Variants in TRIQK observed in about 807,000 individuals in gnomAD.
TRIQK encodes triple QxxK/R motif containing, also known as triple QxxK/R motif-containing protein.
TRIQK carries 10 observed loss-of-function variants against 10.8 expected under a neutral mutation model. That is an observed-to-expected ratio of 0.92 (90% CI 0.57 to 1.57). The LOEUF (loss-of-function observed/expected upper bound fraction) is 1.57, where lower values mean the gene tolerates loss of function less well. TRIQK is among the 40% of genes most tolerant of loss of function. TRIQK has a pLI of 0.00. For synonymous variants in TRIQK, 33 were observed against 33.7 expected (o/e 0.98, Z 0.07); for missense variants, 107 against 97.7 (o/e 1.09, Z -0.40).
intron 2 of TRIQK, among the ~76,000 whole-genome samples, chr8:92,943,186 T>C (rs1428643084): frequency 6.6e-6 from 1 of 152,086 alleles, no homozygotes; most frequent in Non-Finnish European, 1.5e-5. Flanking sequence ...CATACATAAA[T>C]GGAAAAGCAT....
At chr8:93,000,654 A>T (rs958766322) in intron 1 of TRIQK, among the ~76,000 whole-genome samples, 1 of 152,226 alleles carries the variant, frequency 6.6e-6, no homozygotes, top group Non-Finnish European at 1.5e-5. Flanking sequence ...ATAAAAAGAT[A>T]TAAATTAAGG....
chr8:92,908,103 G>T (rs543525533), intron 3 of TRIQK, among the ~76,000 whole-genome samples: 1 of 152,136 alleles, frequency 6.6e-6, no homozygotes, highest in South Asian at 2.1e-4. Flanking sequence ...TTACTTTACT[G>T]CTTTTGGCTT....
chr8:92,933,527 C>G (rs992018887), intron 2 of TRIQK, among the ~76,000 whole-genome samples: 18 of 152,044 alleles, frequency 1.2e-4, no homozygotes, highest in Non-Finnish European at 1.9e-4. Flanking sequence ...CTTAAACCAA[C>G]CACACCTACT....
intron 1 of TRIQK, among the ~76,000 whole-genome samples, chr8:92,990,086 T>C (rs1813081992): frequency 6.6e-6 from 1 of 152,210 alleles, no homozygotes; most frequent in Admixed American, 6.5e-5. Context: ...AGTATTGTTA[T>C]AACAACATTC....
intron 4 of TRIQK, among the ~76,000 whole-genome samples, chr8:92,890,787 T>A (rs1357346604): frequency 1.3e-5 from 2 of 151,870 alleles, no homozygotes; most frequent in Non-Finnish European, 2.9e-5. Flanking sequence ...GTAAATGACA[T>A]ATTGCCTTTG....
intron 1 of TRIQK, among the ~76,000 whole-genome samples, chr8:92,982,656 A>G (rs60446074): frequency 0.1 from 15,525 of 152,016 alleles, 1,825 homozygotes; most frequent in African/African-American, 0.28. Flanking sequence ...GATTAAGAAT[A>G]CGTTGGTCTT....
At chr8:92,975,266 T>G (rs1812919368) in intron 1 of TRIQK, among the ~76,000 whole-genome samples, 1 of 152,238 alleles carries the variant, frequency 6.6e-6, no homozygotes. Flanking sequence ...TTTGTGTGCA[T>G]TGCCAGTGTT....
chr8:92,922,322 A>G (rs1393755969), intron 2 of TRIQK: 1 of 151,852 alleles, frequency 6.6e-6, no homozygotes, highest in African/African-American at 2.4e-5. Context: ...ATAGGAATCA[A>G]GTTATTTTAA....
intron 1 of TRIQK, among the ~76,000 whole-genome samples, chr8:93,007,343 G>A (rs1429472931): frequency 6.6e-6 from 1 of 152,128 alleles, no homozygotes; most frequent in Non-Finnish European, 1.5e-5. Flanking sequence ...CAACAGAATC[G>A]ACAAAAATGT....
chr8:92,915,643 C>A (rs1402619067), intron 3 of TRIQK, among the ~76,000 whole-genome samples: 2 of 139,008 alleles, frequency 1.4e-5, no homozygotes, highest in African/African-American at 5.5e-5. Flanking sequence ...AGGCGCCCAT[C>A]ACGACGCCCG....
At chr8:92,929,364 C>A (rs144955980) in intron 2 of TRIQK, among the ~76,000 whole-genome samples, 1 of 152,084 alleles carries the variant, frequency 6.6e-6, no homozygotes, top group African/African-American at 2.4e-5. Context: ...ATGTTTAAAA[C>A]AAGAAATAAG....
intron 3 of TRIQK, among the ~76,000 whole-genome samples, chr8:92,908,199 G>T (rs1341226704): frequency 1.3e-5 from 2 of 152,054 alleles, no homozygotes; most frequent in African/African-American, 4.8e-5. Flanking sequence ...TCATTATCAC[G>T]TGAATATCTG....
At chr8:92,937,203 T>C (rs1312291029) in intron 2 of TRIQK, among the ~76,000 whole-genome samples, 1 of 151,864 alleles carries the variant, frequency 6.6e-6, no homozygotes, top group African/African-American at 2.4e-5. Context: ...AGTTAAAATG[T>C]GTGAACAAAG....
intron 3 of TRIQK, among the ~76,000 whole-genome samples, chr8:92,915,430 T>C (rs1327721734): frequency 1.3e-5 from 2 of 152,114 alleles, no homozygotes; most frequent in Non-Finnish European, 2.9e-5. Context: ...AATCATTTAC[T>C]CTGTGTGTGT....
At chr8:92,893,488 C>A (rs1009510170) in intron 3 of TRIQK, among the ~76,000 whole-genome samples, 3 of 151,702 alleles carry the variant, frequency 2.0e-5, no homozygotes, top group African/African-American at 7.3e-5. Context: ...AGAAATGAGA[C>A]AATTGTCATA....
intron 3 of TRIQK, among the ~76,000 whole-genome samples, chr8:92,904,935 C>T (rs529624192): frequency 9.3e-4 from 142 of 152,210 alleles, no homozygotes; most frequent in African/African-American, 3.1e-3. Context: ...GTTAACTTGC[C>T]ACACCTTACT....
At chr8:93,003,346 A>T (rs1201368215) in intron 1 of TRIQK, among the ~76,000 whole-genome samples, 1 of 109,148 alleles carries the variant, frequency 9.2e-6, no homozygotes, top group Non-Finnish European at 1.9e-5. Context: ...GAGAGCACAA[A>T]GGGGGAAGTG....
chr8:93,010,681 C>T (rs112652037), intron 1 of TRIQK, among the ~76,000 whole-genome samples: 5,354 of 151,990 alleles, frequency 0.035, 311 homozygotes, highest in African/African-American at 0.12. Flanking sequence ...CTTTATAGAA[C>T]GGCATATACA....
chr8:92,931,758 T>C (rs1443583003), intron 2 of TRIQK, among the ~76,000 whole-genome samples: 3 of 152,058 alleles, frequency 2.0e-5, no homozygotes, highest in South Asian at 2.1e-4. Context: ...CCCCATTCAT[T>C]ACAGCAAGAT....
Sources: allele counts gnomAD v4.1 joint callset (sites outside exome capture counted in the v4.1 genomes callset), GRCh38; gene constraint gnomAD v4.1.1; transcripts MANE v1.5; gene names NCBI Gene and HGNC (gene_info 2026-07-23, HGNC 2026-07-21).